Variants in TLN2 observed in about 807,000 individuals in gnomAD.
The protein encoded by TLN2 is talin-2.
A neutral mutation model predicts 294.7 loss-of-function variants in TLN2; 118 were observed. The observed-to-expected ratio is 0.40, with a 90% CI of 0.34 to 0.47. TLN2 has a LOEUF of 0.47. Ranked by LOEUF, TLN2 falls within the 20% of genes least tolerant of loss-of-function variation. TLN2 has a pLI of 0.84. For synonymous variants in TLN2, 1,431 were observed against 1,304.5 expected (o/e 1.10, Z -2.09); for missense variants, 3,083 against 3,282.2 (o/e 0.94, Z 1.48).
intron 54 of TLN2, among the ~76,000 whole-genome samples, chr15:62,821,423 T>TC (rs1457697948): frequency 1.3e-5 from 2 of 152,180 alleles, no homozygotes; most frequent in African/African-American, 4.8e-5. Flanking sequence ...ATTTGGCTTT[T>TC]CCCCTCAAAA....
At chr15:62,783,476 C>G (rs1328336838) in intron 44 of TLN2, among the ~76,000 whole-genome samples, 1 of 152,222 alleles carries the variant, frequency 6.6e-6, no homozygotes, top group Non-Finnish European at 1.5e-5. Flanking sequence ...GGCACTGGCT[C>G]CAAGCTGCAC....
chr15:62,667,988 G>A (rs2054922984), intron 9 of TLN2, among the ~76,000 whole-genome samples: 1 of 152,122 alleles, frequency 6.6e-6, no homozygotes, highest in African/African-American at 2.4e-5. Context: ...CACTTATGTG[G>A]AACCTTAAAA....
chr15:62,456,548 A>G (rs1426445856), intron 1 of TLN2, among the ~76,000 whole-genome samples: 1 of 152,188 alleles, frequency 6.6e-6, no homozygotes, highest in Non-Finnish European at 1.5e-5. Context: ...CAGAATTCAC[A>G]TTGGGTAGAC....
At chr15:62,693,439 C>G (rs559938160) in intron 13 of TLN2, among the ~76,000 whole-genome samples, 1 of 152,312 alleles carries the variant, frequency 6.6e-6, no homozygotes, top group South Asian at 2.1e-4. Context: ...TTCTGCAGCA[C>G]ATATTTGTGT....
chr15:62,785,279 A>G (rs556063877), intron 45 of TLN2, among the ~76,000 whole-genome samples: 44 of 152,304 alleles, frequency 2.9e-4, no homozygotes, highest in African/African-American at 1.0e-3. Context: ...AAGATCATCT[A>G]GATTTATAAT....
chr15:62,702,899 A>G, intron 19 of TLN2, 35 bp downstream of exon 19: 1 of 1,590,176 alleles, frequency 6.3e-7, no homozygotes, highest in Non-Finnish European at 8.6e-7. Flanking sequence ...CATGGAAAGA[A>G]GTCTAAGTGA....
intron 3 of TLN2, among the ~76,000 whole-genome samples, chr15:62,636,134 T>C (rs1241240576): frequency 6.6e-6 from 1 of 152,202 alleles, no homozygotes; most frequent in Non-Finnish European, 1.5e-5. Context: ...AAAATATATG[T>C]ATGTATTAGT....
chr15:62,819,768 T>C (rs1017411457), intron 53 of TLN2, 147 bp downstream of exon 53: 9 of 648,424 alleles, frequency 1.4e-5, no homozygotes, highest in African/African-American at 1.3e-4. Context: ...TGCAAGCAAA[T>C]GGGTTTAGAG....
At chr15:62,794,453 G>T (rs151051284) in intron 46 of TLN2, among the ~76,000 whole-genome samples, 465 of 152,302 alleles carry the variant, frequency 3.1e-3, no homozygotes, top group Middle Eastern at 6.8e-3. Flanking sequence ...TTCACAGAGG[G>T]TGGGATGCTA....
At chr15:62,832,724 A>G (rs897767516) in intron 54 of TLN2, 2 of 128,658 alleles carry the variant, frequency 1.6e-5, no homozygotes, top group Admixed American at 1.4e-4. Flanking sequence ...CCACTGGGCA[A>G]TGTGTGCTTG....
chr15:62,802,791 A>C (rs1431309340), intron 50 of TLN2, among the ~76,000 whole-genome samples: 1 of 152,096 alleles, frequency 6.6e-6, no homozygotes, highest in East Asian at 1.9e-4. Flanking sequence ...AAATGATATC[A>C]CATTGTAGTT....
chr15:62,489,627 G>A (rs1456898350), intron 1 of TLN2, among the ~76,000 whole-genome samples: 2 of 152,148 alleles, frequency 1.3e-5, no homozygotes, highest in Admixed American at 6.5e-5. Flanking sequence ...GACAGAGCCT[G>A]ATTCCCTTCC....
At position 62,441,561 on chromosome 15, in the gene TLN2, C is replaced by T. The variant is rs567894349; in HGVS notation, c.-238+50876C>T. The stretch of plus-strand genomic sequence containing the variant: ...GTCTGTTGGGGCGGGAGGACGTTCC[C>T]CACACAAAGCAATTCTCCGGCAGAT... On this transcript the variant is annotated intron_variant, in intron 1 of 58. Transcript: ENST00000636159. 8.5e-5 allele frequency among the ~76,000 whole-genome samples: 13 copies of T among 152,306 alleles called. No individual in the cohort carries two copies. In the Middle Eastern group the frequency reaches 0.01, roughly 120 times the overall value.
rs75133220 is a variant in TLN2 at position 62,585,857 on chromosome 15, G to C, written c.-237-3830G>C. ...TCTCTAGGGACCTTGTTATGATCAG[G>C]CAATGAATGAGTTTCTAGCATGAGC... On this transcript the variant is annotated intron_variant, in intron 1 of 58. Coordinates refer to ENST00000636159, the MANE Select transcript of TLN2 (RefSeq NM_015059.3). Among the ~76,000 whole-genome samples, 492 of 152,262 alleles carry C rather than the reference G, an allele frequency of 3.2e-3. 15 individuals are homozygous for C. The East Asian group carries it at 0.079, about 24-fold the overall frequency.
In TLN2 at chr15:62,652,064, T is replaced by G. The variant is rs1170018138; in HGVS notation, c.294T>G (p.Ser98=). 6.2e-7 allele frequency: 1 copy of G among 1,612,098 alleles called. No homozygotes were observed. Among genetic ancestry groups the G allele is most frequent in the East Asian group, 2.2e-5 (1 of 44,892 alleles). ...AGAAAATCCGGATGCTGGATGGATCTGTGAAGACAGTGATGGTGGATGATT... is the reference window on the plus strand; with the variant it reads ...AGAAAATCCGGATGCTGGATGGATCGGTGAAGACAGTGATGGTGGATGATT... ...RPQKIRMLDG[S]VKTVMVDDSK... is the part of the protein sequence containing the mutation. The change falls in exon 6 of 59, where the codon TCT becomes TCG. Residue 98 remains serine (S), a synonymous_variant. Coordinates refer to ENST00000636159, the MANE Select transcript of TLN2 (RefSeq NM_015059.3).
intron 1 of TLN2, among the ~76,000 whole-genome samples, chr15:62,578,566 AAAAC>A (rs891279024): frequency 1.3e-5 from 2 of 152,174 alleles, no homozygotes; most frequent in Non-Finnish European, 2.9e-5. Flanking sequence ...ACTCCGTCTC[AAAAC>A]AAACAAACAA....
chr15:62,727,771 T>C (rs2060515980), intron 28 of TLN2, among the ~76,000 whole-genome samples: 1 of 152,168 alleles, frequency 6.6e-6, no homozygotes, highest in African/African-American at 2.4e-5. Flanking sequence ...GGAAATGTTA[T>C]TGTGGTAGGA....
At chr15:62,416,115 A>G (rs2140263054) in intron 1 of TLN2, among the ~76,000 whole-genome samples, 1 of 152,264 alleles carries the variant, frequency 6.6e-6, no homozygotes, top group East Asian at 1.9e-4. Context: ...CCAGGGGAAC[A>G]TGGGGAGACC....
intron 1 of TLN2, among the ~76,000 whole-genome samples, chr15:62,515,079 G>A (rs1210776338): frequency 6.6e-6 from 1 of 152,184 alleles, no homozygotes; most frequent in Non-Finnish European, 1.5e-5. Context: ...TGCTTAGCTA[G>A]AGAAGATCTA....
Sources: allele counts gnomAD v4.1 joint callset (sites outside exome capture counted in the v4.1 genomes callset), GRCh38; gene constraint gnomAD v4.1.1; transcripts MANE v1.5; gene names NCBI Gene and HGNC (gene_info 2026-07-23, HGNC 2026-07-21).